CAPG: variants seen among roughly 807,000 people sequenced by gnomAD.
CAPG encodes the protein macrophage-capping protein.
CAPG carries 32 observed loss-of-function variants against 44.6 expected under a neutral mutation model. The observed-to-expected ratio is 0.72, with a 90% confidence interval of 0.54 to 0.96. CAPG has a LOEUF of 0.96. Ranked by LOEUF, CAPG falls within the 50% of genes least tolerant of loss-of-function variation. CAPG has a pLI of 0.00. For missense variants in CAPG, 412 were observed against 438.3 expected, an observed-to-expected ratio of 0.94 and a Z score of 0.54; for synonymous variants, 175 against 179.6, an observed-to-expected ratio of 0.97 and a Z score of 0.20.
downstream of CAPG, chr2:85,391,884 G>A (rs1483384815): frequency 6.6e-6 from 1 of 152,438 alleles, no homozygotes; most frequent in Non-Finnish European, 1.5e-5. Flanking sequence ...TGGGCTCCAG[G>A]AGACAGAAGG....
Position 85,401,606 on chromosome 2 carries a change from G to C in CAPG, c.274C>G (p.Pro92Ala). ...VHLNTLLGERPVQHREVQGNE... is the reference protein window; with the variant it reads ...VHLNTLLGERAVQHREVQGNE... ...CCCTGCACCTCGCGGTGCTGCACAG[G>C]CCGCTCTCCCAGCAGCGTGTTGAGG... Residue 92 changes from proline to alanine, a missense_variant, in exon 4 of 10, where the codon CCT becomes GCT. Pro to Ala is a conservative substitution (Grantham distance 27, BLOSUM62 -1). Transcript: ENST00000263867. 1 of 1,614,120 alleles carries C rather than the reference G, an allele frequency of 6.2e-7. No individual in the cohort carries two copies. Among genetic ancestry groups the C allele is most frequent in the South Asian group, 1.1e-5 (1 of 91,080 alleles).
intron 1 of CAPG, among the ~76,000 whole-genome samples, chr2:85,416,693 T>C (rs1295309058): frequency 6.6e-6 from 1 of 152,164 alleles, no homozygotes; most frequent in African/African-American, 2.4e-5. Flanking sequence ...TTTGTATTTT[T>C]AGTAGAGACA....
At chr2:85,405,743 G>C (rs947421230) in intron 1 of CAPG, among the ~76,000 whole-genome samples, 2 of 152,178 alleles carry the variant, frequency 1.3e-5, no homozygotes, top group African/African-American at 2.4e-5. Context: ...GACATGCAGA[G>C]AGCAGAGGTT....
chr2:85,405,807 C>T (rs930224036), intron 1 of CAPG, among the ~76,000 whole-genome samples: 1 of 152,172 alleles, frequency 6.6e-6, no homozygotes, highest in Non-Finnish European at 1.5e-5. Context: ...CATGCTGTGC[C>T]CACATCCCCT....
chr2:85,405,262 G>T (rs1279614492), intron 1 of CAPG, among the ~76,000 whole-genome samples: 1 of 152,104 alleles, frequency 6.6e-6, no homozygotes, highest in Non-Finnish European at 1.5e-5. Flanking sequence ...TTCAGAAAAT[G>T]CAACAGCTAC....
intron 6 of CAPG, 107 bp downstream of exon 6, chr2:85,399,029 G>A: frequency 1.6e-6 from 2 of 1,282,286 alleles, no homozygotes; most frequent in East Asian, 4.7e-5. Context: ...TACACCAGAT[G>A]GCCCCTGCCA....
At chr2:85,411,508 G>A (rs1455048302), upstream of CAPG, among the ~76,000 whole-genome samples, 1 of 152,232 alleles carries the variant, frequency 6.6e-6, no homozygotes, top group African/African-American at 2.4e-5. Flanking sequence ...CCTGGGGGAA[G>A]GATGAGCGGA....
chr2:85,407,026 G>A (rs1457517372), intron 1 of CAPG, among the ~76,000 whole-genome samples: 7 of 151,362 alleles, frequency 4.6e-5, no homozygotes, highest in African/African-American at 1.5e-4. Flanking sequence ...TGCCTCCTGA[G>A]TTGAAGCAAT....
intron 1 of CAPG, among the ~76,000 whole-genome samples, chr2:85,403,428 A>C (rs1290648267): frequency 6.6e-6 from 1 of 152,238 alleles, no homozygotes; most frequent in Non-Finnish European, 1.5e-5. Flanking sequence ...AAATTTAAAA[A>C]GGACATAATA....
Position 85,395,478 on chromosome 2 carries a change from G to C in CAPG, c.981+60C>G. 1.4e-6 allele frequency: 2 copies of C among 1,410,650 alleles called. No individual in the cohort carries two copies. The highest frequency in any genetic ancestry group is 9.9e-7 in the Non-Finnish European group (1 of 1,006,660). The allele number at this position is 1,410,650 out of a possible 1,614,324, so 87.4% of individuals were successfully genotyped here. ...TCCTGCCCTTCCTGGCCAATTTGAGGGGTCAGGGGCCACAGGAAGAGCCCT... is the reference window on the plus strand; with the variant it reads ...TCCTGCCCTTCCTGGCCAATTTGAGCGGTCAGGGGCCACAGGAAGAGCCCT... On this transcript the variant is annotated intron_variant, in intron 9 of 9. Coordinates refer to ENST00000263867, the MANE Select transcript of CAPG (RefSeq NM_001747.4). This position sits in a 1 kb window ranked among gnomAD's most constrained non-coding sequence, Gnocchi z 4.3.
chr2:85,394,726 C>T (rs1394384805), downstream of CAPG: 6 of 671,988 alleles, frequency 8.9e-6, no homozygotes, highest in East Asian at 1.6e-4. Flanking sequence ...AGGTGGGTGA[C>T]AGTGAGAATC....
Position 85,394,900 on chromosome 2 carries a change from C to A in CAPG, c.1040G>T (p.Trp347Leu), listed in dbSNP as rs906534174. Residue 347 changes from tryptophan (W) to leucine (L), a missense_variant, in exon 10 of 10, where the codon TGG (tryptophan) becomes TTG (leucine). Transcript: ENST00000263867. ...GCAGGAAGACGCCCACCCTCATTTCCAGTCCTTGAAAAATTGCTTGAAGAT... is the reference window on the plus strand; with the variant it reads ...GCAGGAAGACGCCCACCCTCATTTCAAGTCCTTGAAAAATTGCTTGAAGAT... The part of the protein sequence containing the change: ...SPIFKQFFKD[W>L]K 2 of 1,612,620 alleles carry A rather than the reference C, an allele frequency of 1.2e-6. No individual in the cohort carries two copies. The highest frequency in any genetic ancestry group is 2.7e-5 in the African/African-American group (2 of 74,932).
chr2:85,418,650 A>ACGCGCGCG (rs377343304), upstream of CAPG: 56 of 143,914 alleles, frequency 3.9e-4, no homozygotes, highest in African/African-American at 8.4e-4. Flanking sequence ...ACACACACAC[A>ACGCGCGCG]CGCGCGCGCG....
intron 7 of CAPG, among the ~76,000 whole-genome samples, 153 bp downstream of exon 7, chr2:85,398,537 A>G (rs941872880): frequency 1.3e-5 from 2 of 151,502 alleles, no homozygotes; most frequent in Admixed American, 1.3e-4. Context: ...TCCTTGTCTC[A>G]CTCCCAGCCC....
At chr2:85,417,856 T>C (rs1473153890) in intron 1 of CAPG, among the ~76,000 whole-genome samples, 1 of 152,116 alleles carries the variant, frequency 6.6e-6, no homozygotes, top group Admixed American at 6.5e-5. Context: ...CTGATCCTGA[T>C]GATAATAACA....
In CAPG at chr2:85,394,933, T is replaced by A. The variant is rs578014741; in HGVS notation, c.1007A>T (p.Glu336Val). 96 of 1,613,486 alleles carry A rather than the reference T, an allele frequency of 5.9e-5. No homozygotes were observed. In the East Asian group the frequency reaches 8.5e-4, roughly 14 times the overall value. Residue 336 changes from glutamate (E) to valine (V), a missense_variant, in exon 10 of 10, where the codon GAG becomes GTG. Transcript: ENST00000263867. The stretch of plus-strand genomic sequence containing the variant: ...GAAAAATTGCTTGAAGATGGGACTC[T>A]CATGGCCCTGAGGCAGAATCTCCAC... ...TQVEILPQGHESPIFKQFFKD... is the reference protein window; with the variant it reads ...TQVEILPQGHVSPIFKQFFKD...
In CAPG at chr2:85,401,615, C is replaced by T. The variant is rs1409737275; in HGVS notation, c.265G>A (p.Gly89Arg). Residue 89 changes from glycine to arginine, a missense_variant, in exon 4 of 10, where the codon GGA (glycine) becomes AGA (arginine). Gly to Arg is a moderately radical substitution (Grantham distance 125, BLOSUM62 -2). Transcript: ENST00000263867. The part of the protein sequence containing the change: ...VLAVHLNTLL[G>R]ERPVQHREVQ... Reference sequence around the variant, plus strand: ...TCGCGGTGCTGCACAGGCCGCTCTCCCAGCAGCGTGTTGAGGTGCACAGCC... The same window carrying T: ...TCGCGGTGCTGCACAGGCCGCTCTCTCAGCAGCGTGTTGAGGTGCACAGCC... 6.2e-7 allele frequency: 1 copy of T among 1,614,148 alleles called. No individual in the cohort carries two copies. Among genetic ancestry groups the T allele is most frequent in the South Asian group, 1.1e-5 (1 of 91,090 alleles).
chr2:85,411,972 G>T (rs1250538158), upstream of CAPG, among the ~76,000 whole-genome samples: 3 of 151,690 alleles, frequency 2.0e-5, no homozygotes, highest in Non-Finnish European at 2.9e-5. Context: ...TGAGGCAGAA[G>T]AATCACTTGA....
In CAPG at chr2:85,401,537, T is replaced by C; in HGVS notation, c.343A>G (p.Lys115Glu). The change falls in exon 4 of 10, where the codon AAG becomes GAG. Residue 115 changes from lysine to glutamate, a missense_variant. By Grantham distance (56) the Lys-to-Glu change is moderately conservative. Transcript: ENST00000263867. ...TAGAGGTGGGCTCTGACCTGGTACT[T>C]GAGGCCCCGTGGGAAGTAGCTCATG... ...LFMSYFPRGLKYQEGGVESAF... is the reference protein window; with the variant it reads ...LFMSYFPRGLEYQEGGVESAF... 6.2e-7 allele frequency: 1 copy of C among 1,614,092 alleles called. No homozygotes were observed. Among genetic ancestry groups the C allele is most frequent in the Non-Finnish European group, 8.5e-7 (1 of 1,180,006 alleles).
Sources: allele counts gnomAD v4.1 joint callset (sites outside exome capture counted in the v4.1 genomes callset), GRCh38; gene constraint gnomAD v4.1.1; non-coding constraint Gnocchi (gnomAD v3.1); transcripts MANE v1.5; gene names NCBI Gene and HGNC (gene_info 2026-07-23, HGNC 2026-07-21).